Variants in ABCD3 observed in about 807,000 individuals in gnomAD.
ABCD3 encodes the protein ATP binding cassette subfamily D member 3, also known as ATP-binding cassette sub-family D member 3.
In ABCD3, 41 loss-of-function variants were observed where a neutral mutation model predicts 105.5. The observed-to-expected ratio is 0.39, with a 90% CI of 0.30 to 0.50. The LOEUF (loss-of-function observed/expected upper bound fraction) is 0.50. Among genes scored for constraint, ABCD3 ranks in the 20% least tolerant of loss-of-function variants. The pLI is 0.84. For synonymous variants in ABCD3, 258 were observed against 269.0 expected, an observed-to-expected ratio of 0.96 and a Z score of 0.40; for missense variants, 622 against 806.3, an observed-to-expected ratio of 0.77 and a Z score of 2.77.
intron 6 of ABCD3, 40 bp downstream of exon 6, chr1:94,475,280 A>ACTCTTCTATTT: frequency 7.7e-7 from 1 of 1,291,524 alleles, no homozygotes. Flanking sequence ...ATATTTAAAT[A>ACTCTTCTATTT]GAAGAGTATT....
intron 2 of ABCD3, among the ~76,000 whole-genome samples, chr1:94,463,108 G>A (rs1261124146): frequency 6.6e-6 from 1 of 152,162 alleles, no homozygotes; most frequent in Non-Finnish European, 1.5e-5. Flanking sequence ...TTTGTTGAAT[G>A]AATGAATGTA....
At chr1:94,424,483 C>T (rs1324478299) in intron 1 of ABCD3, among the ~76,000 whole-genome samples, 1 of 152,094 alleles carries the variant, frequency 6.6e-6, no homozygotes, top group Admixed American at 6.6e-5. Context: ...AGTGTAATGG[C>T]ACCATCTTGG....
the ABCD3 span, among the ~76,000 whole-genome samples, chr1:94,398,756 G>A: frequency 9.9e-5 from 15 of 152,116 alleles, no homozygotes; most frequent in South Asian, 4.2e-4. Flanking sequence ...TACTAAAAAT[G>A]CAAAAAAATT....
rs112662720 is a variant in ABCD3, at chr1:94,454,156, C to T, written c.111-4451C>T. ...GAAAGAGGACAGAAACTAATGATAA[C>T]GAACTCAGAAAACAAGTGAGAATAT... On this transcript the variant is annotated intron_variant, in intron 1 of 22. Coordinates refer to ENST00000370214, the MANE Select transcript of ABCD3 (RefSeq NM_002858.4). Among the ~76,000 whole-genome samples, 1,097 of 151,780 alleles carry T rather than the reference C, an allele frequency of 7.2e-3. 23 individuals are homozygous for T. The highest frequency in any genetic ancestry group is 0.025 in the African/African-American group (1,020 of 41,374).
intron 3 of ABCD3, among the ~76,000 whole-genome samples, chr1:94,466,778 C>T (rs1648158827): frequency 6.6e-6 from 1 of 152,128 alleles, no homozygotes; most frequent in South Asian, 2.1e-4. Context: ...TTCATTTTAA[C>T]TATTGCAGGG....
chr1:94,386,773 T>C, the ABCD3 span, among the ~76,000 whole-genome samples: 5 of 152,198 alleles, frequency 3.3e-5, no homozygotes, highest in African/African-American at 1.2e-4. Context: ...GAGGATTGCT[T>C]GAACCCAAGA....
chr1:94,416,132 C>G (rs1658995740), upstream of ABCD3, among the ~76,000 whole-genome samples: 1 of 152,176 alleles, frequency 6.6e-6, no homozygotes, highest in Non-Finnish European at 1.5e-5. Flanking sequence ...TTTGACTAAT[C>G]TTGCTTGTAC....
intron 9 of ABCD3, among the ~76,000 whole-genome samples, chr1:94,480,967 A>G (rs568730017): frequency 2.0e-5 from 3 of 152,282 alleles, no homozygotes; most frequent in East Asian, 1.9e-4. Flanking sequence ...ACTGTTCATA[A>G]TGCTCAATGA....
intron 21 of ABCD3, 37 bp from the exon 22 acceptor site, chr1:94,515,107 CTG>C (rs778496541): frequency 6.7e-7 from 1 of 1,485,302 alleles, no homozygotes; most frequent in South Asian, 1.1e-5. Context: ...ATTTGTGACT[CTG>C]TTACTCATTA....
intron 20 of ABCD3, among the ~76,000 whole-genome samples, chr1:94,499,962 T>C (rs921880618): frequency 6.6e-5 from 10 of 152,166 alleles, no homozygotes; most frequent in African/African-American, 2.4e-4. Context: ...CTCTTCCCTA[T>C]AGACATCTCT....
chr1:94,506,566 A>T lies in ABCD3; in HGVS notation c.1769A>T (p.Gln590Leu). 2 of 1,612,972 alleles carry T rather than the reference A, an allele frequency of 1.2e-6. No individual in the cohort carries two copies. The highest frequency in any genetic ancestry group is 1.7e-6 in the Non-Finnish European group (2 of 1,179,246). The change falls in exon 21 of 23, where the codon CAG (glutamine) becomes CTG (leucine). Residue 590 changes from glutamine (Q) to leucine (L), a missense_variant. Physicochemically the swap from Gln to Leu is moderately radical, Grantham distance 113 (BLOSUM62 -2). This residue lies in a region of ABCD3 where 285 missense variants were observed against 352.5 expected (regional missense o/e 0.81). Coordinates refer to ENST00000370214, the MANE Select transcript of ABCD3 (RefSeq NM_002858.4). ...AMARLFYHKP[Q>L]FAILDECTSA... ...GCAAGATTATTTTATCATAAACCCC[A>T]GTTTGCCATTTTGGATGAATGCACA...
At chr1:94,395,891 G>GAC in the ABCD3 span, among the ~76,000 whole-genome samples, 8 of 151,380 alleles carry the variant, frequency 5.3e-5, no homozygotes, top group African/African-American at 1.7e-4. Flanking sequence ...GAAAGAGAGA[G>GAC]ACACACACAC....
chr1:94,418,619 C>A, intron 1 of ABCD3, 31 bp downstream of exon 1: 1 of 1,554,458 alleles, frequency 6.4e-7, no homozygotes. Context: ...GCAGCTTTCC[C>A]GGGCTGGAGC....
At chr1:94,471,137 G>A (rs1026026154) in intron 4 of ABCD3, among the ~76,000 whole-genome samples, 1 of 152,130 alleles carries the variant, frequency 6.6e-6, no homozygotes, top group African/African-American at 2.4e-5. Flanking sequence ...GCACGTGTGT[G>A]TAGTACTCAG....
chr1:94,455,133 T>G (rs1258474084), intron 1 of ABCD3, among the ~76,000 whole-genome samples: 2 of 152,206 alleles, frequency 1.3e-5, no homozygotes, highest in Non-Finnish European at 2.9e-5. Context: ...AAATCTGCTG[T>G]ATTGGAACTT....
chr1:94,464,880 C>T lies in ABCD3; in HGVS notation c.246+7C>T, dbSNP rs1353416862. On this transcript the variant is annotated splice_region_variant and intron_variant, in intron 3 of 22. Transcript: ENST00000370214. Reference sequence around the variant, plus strand: ...TAGAACATTTTGTAAAGAGGTAAGTCTTATGAAATTATAATCTTAAGTATA... The same window carrying T: ...TAGAACATTTTGTAAAGAGGTAAGTTTTATGAAATTATAATCTTAAGTATA... The T allele has an allele frequency of 6.2e-7, 1 of 1,602,740 alleles. No homozygotes were observed. The highest frequency in any genetic ancestry group is 1.1e-5 in the South Asian group (1 of 90,832).
In ABCD3 at chr1:94,489,889, A is replaced by G. The variant is rs747475307; in HGVS notation, c.1250-14A>G. The G allele has an allele frequency of 5.0e-6, 8 of 1,611,718 alleles. No individual in the cohort carries two copies. In the African/African-American group the frequency reaches 9.4e-5, roughly 19 times the overall value. ...GACATAATATGATGCTTTAATACCT[A>G]TTTTCCATTTAAGGTATTGAAGGAG... is the stretch of plus-strand genomic sequence containing the variant. On this transcript the variant is annotated splice_polypyrimidine_tract_variant and intron_variant, in intron 14 of 22. Transcript: ENST00000370214.
intron 1 of ABCD3, among the ~76,000 whole-genome samples, chr1:94,450,527 G>T (rs548140482): frequency 6.6e-6 from 1 of 152,356 alleles, no homozygotes; most frequent in South Asian, 2.1e-4. Flanking sequence ...TGTGCCTTAA[G>T]GACATGTTCC....
intron 1 of ABCD3, among the ~76,000 whole-genome samples, chr1:94,430,719 G>T (rs942255429): frequency 6.6e-6 from 1 of 152,158 alleles, no homozygotes; most frequent in Admixed American, 6.5e-5. Flanking sequence ...TTTATCAGCA[G>T]TGTGAAAACA....
Sources: allele counts gnomAD v4.1 joint callset (sites outside exome capture counted in the v4.1 genomes callset), GRCh38; gene constraint gnomAD v4.1.1; regional missense constraint gnomAD v4.1.1; transcripts MANE v1.5; gene names NCBI Gene and HGNC (gene_info 2026-07-23, HGNC 2026-07-21).